Variants in RORA observed in about 807,000 individuals in gnomAD.
RORA encodes nuclear receptor ROR-alpha.
Under a neutral mutation model 69.5 loss-of-function variants are expected in RORA, and 7 were observed. The observed-to-expected ratio is 0.10, with a 90% CI of 0.06 to 0.19. The LOEUF (loss-of-function observed/expected upper bound fraction) is 0.19. Among genes scored for constraint, RORA ranks in the 10% least tolerant of loss-of-function variants. RORA has a pLI of 1.00. For missense variants in RORA, 457 were observed against 663.0 expected (o/e 0.69, Z 3.41); for synonymous variants, 261 against 240.8 (o/e 1.08, Z -0.78).
At chr15:60,716,953 T>C (rs1227467571) in intron 1 of RORA, among the ~76,000 whole-genome samples, 1 of 152,194 alleles carries the variant, frequency 6.6e-6, no homozygotes, top group Non-Finnish European at 1.5e-5. Flanking sequence ...TCCTGAGTTC[T>C]TTAGACTACT....
chr15:60,719,038 G>T (rs188791272), intron 1 of RORA, among the ~76,000 whole-genome samples: 2,961 of 110,456 alleles, frequency 0.027, 75 homozygotes, highest in African/African-American at 0.076. Flanking sequence ...TGTGTGTGTG[G>T]GGGGGGTGTG....
intron 10 of RORA, 34 bp downstream of exon 10, chr15:60,499,858 C>G (rs761329564): frequency 2.4e-6 from 3 of 1,241,410 alleles, no homozygotes; most frequent in East Asian, 4.7e-5. Flanking sequence ...GGGGATAGTT[C>G]AGGCCATGCC....
chr15:60,857,777 G>T (rs149279658), intron 1 of RORA, among the ~76,000 whole-genome samples: 3 of 152,318 alleles, frequency 2.0e-5, no homozygotes, highest in Non-Finnish European at 2.9e-5. Context: ...GTACCGAAGA[G>T]AAGCTGGCAA....
chr15:61,158,851 G>A (rs923472507), intron 1 of RORA, among the ~76,000 whole-genome samples: 1 of 152,188 alleles, frequency 6.6e-6, no homozygotes, highest in Admixed American at 6.5e-5. Flanking sequence ...AAGGATGAAG[G>A]CAAGGATGAA....
At position 60,941,639 on chromosome 15, in the gene RORA, T is replaced by C. The variant is rs1181870055; in HGVS notation, c.167-262953A>G. ...GATCTCCAGTGTACTTTATTTTTAG[T>C]TCCTTGGTGAGTGCTCACTTTGTAT... On this transcript the variant is annotated intron_variant, in intron 1 of 10. Coordinates refer to ENST00000335670, the MANE Select transcript of RORA (RefSeq NM_134261.3). Among the ~76,000 whole-genome samples, 6 of 152,352 alleles carry C rather than the reference T, an allele frequency of 3.9e-5. No individual in the cohort carries two copies. The South Asian group carries it at 1.2e-3, about 32-fold the overall frequency.
chr15:60,929,270 C>CT (rs1215825526), intron 1 of RORA, among the ~76,000 whole-genome samples: 2 of 152,180 alleles, frequency 1.3e-5, no homozygotes, highest in Non-Finnish European at 2.9e-5. Flanking sequence ...CAGGTCCCTC[C>CT]TCCTCCAGCC....
At chr15:60,766,899 C>T (rs1251959899) in intron 1 of RORA, among the ~76,000 whole-genome samples, 1 of 152,100 alleles carries the variant, frequency 6.6e-6, no homozygotes, top group Non-Finnish European at 1.5e-5. Context: ...CATGAGCCAG[C>T]CCTGATACGA....
chr15:60,754,161 T>C (rs2071764351), intron 1 of RORA, among the ~76,000 whole-genome samples: 1 of 152,260 alleles, frequency 6.6e-6, no homozygotes, highest in Non-Finnish European at 1.5e-5. Flanking sequence ...TAGAAATCCA[T>C]ATTCACAATA....
At chr15:61,219,867 C>G (rs754082790) in intron 1 of RORA, among the ~76,000 whole-genome samples, 1 of 152,140 alleles carries the variant, frequency 6.6e-6, no homozygotes, top group Non-Finnish European at 1.5e-5. Flanking sequence ...ACATACAACC[C>G]CAAGTTCAAG....
chr15:61,145,054 T>C (rs2079334662), intron 1 of RORA, among the ~76,000 whole-genome samples: 1 of 152,140 alleles, frequency 6.6e-6, no homozygotes, highest in African/African-American at 2.4e-5. Flanking sequence ...AAAGAAGCCT[T>C]TTTTTGTTTC....
At chr15:60,575,210 T>A (rs1340958759) in intron 2 of RORA, among the ~76,000 whole-genome samples, 1 of 152,226 alleles carries the variant, frequency 6.6e-6, no homozygotes, top group Non-Finnish European at 1.5e-5. Context: ...GACCTTCCTA[T>A]TCCTATAGCA....
chr15:60,864,816 T>C (rs1595775962), intron 1 of RORA, among the ~76,000 whole-genome samples: 1 of 152,230 alleles, frequency 6.6e-6, no homozygotes, highest in Non-Finnish European at 1.5e-5. Context: ...GCCTTTGTGC[T>C]ATGTGCTTTA....
intron 1 of RORA, among the ~76,000 whole-genome samples, chr15:61,118,865 G>A (rs1162739619): frequency 1.3e-5 from 2 of 152,058 alleles, no homozygotes; most frequent in East Asian, 3.9e-4. Context: ...TTCCAAGGCA[G>A]ACAGAGCAGG....
At chr15:60,669,307 C>T (rs1044713294) in intron 2 of RORA, among the ~76,000 whole-genome samples, 5 of 150,856 alleles carry the variant, frequency 3.3e-5, no homozygotes, top group Admixed American at 1.3e-4. Flanking sequence ...CTTCTCTTTT[C>T]GGACCAGATC....
intron 1 of RORA, among the ~76,000 whole-genome samples, chr15:60,787,788 G>C (rs760276976): frequency 1.3e-5 from 2 of 152,200 alleles, no homozygotes; most frequent in African/African-American, 2.4e-5. Flanking sequence ...AAACTCTGTG[G>C]GAAGAGCCTA....
intron 3 of RORA, among the ~76,000 whole-genome samples, chr15:60,516,036 TATTTATATATTTATATA>T (rs2065892752): frequency 9.5e-5 from 1 of 10,476 alleles, no homozygotes; most frequent in African/African-American, 2.3e-4. Flanking sequence ...TATTTATATA[TATTTATATATTTATATA>T]TATTTATATA....
chr15:61,057,293 AAG>A (rs958453338), intron 1 of RORA, among the ~76,000 whole-genome samples: 1 of 152,246 alleles, frequency 6.6e-6, no homozygotes, highest in Non-Finnish European at 1.5e-5. Flanking sequence ...TCTAGTATAA[AAG>A]AGAAATACAG....
In RORA at chr15:61,131,068, A is replaced by AG. The variant is rs144071822; in HGVS notation, c.166+97984dup. Among the ~76,000 whole-genome samples the AG allele has an allele frequency of 7.1e-3, 1,075 of 152,332 alleles. 11 individuals are homozygous for AG. Among genetic ancestry groups the AG allele is most frequent in the African/African-American group, 0.025 (1,038 of 41,556 alleles). On this transcript the variant is annotated intron_variant, in intron 1 of 10. Transcript: ENST00000335670. The surrounding 1 kb of genome is among the most constrained non-coding windows in gnomAD (Gnocchi z 4.2). ...AGTTCAGACGATGCACCTACTACTC[A>AG]GCCCTCTGTAATATCCAGTGAGGCA... is the stretch of plus-strand genomic sequence containing the variant.
intron 1 of RORA, among the ~76,000 whole-genome samples, chr15:60,977,977 G>A (rs1431777758): frequency 6.6e-6 from 1 of 152,132 alleles, no homozygotes; most frequent in Non-Finnish European, 1.5e-5. Context: ...TATATACCTA[G>A]GAATGGAACT....
Sources: gnomAD v4.1 joint callset for allele counts (sites outside exome capture counted in the v4.1 genomes callset) on GRCh38, gnomAD v4.1.1 for gene constraint, Gnocchi (gnomAD v3.1) non-coding constraint, MANE v1.5 for transcripts, NCBI Gene and HGNC (gene_info 2026-07-23, HGNC 2026-07-21) for gene names.